PDE11A: variants seen among roughly 807,000 people sequenced by gnomAD.
PDE11A encodes the protein phosphodiesterase 11A.
A neutral mutation model predicts 100.5 loss-of-function variants in PDE11A; 100 were observed. The observed-to-expected ratio is 1.00, with a 90% CI of 0.85 to 1.18. The LOEUF (loss-of-function observed/expected upper bound fraction) is 1.18. Ranked by LOEUF, PDE11A falls within the 50% of genes most tolerant of loss-of-function variation. The probability of loss-of-function intolerance (pLI) is 0.00; values close to 1 mark genes in which losing one functional copy is unlikely to be tolerated. For missense variants in PDE11A, 1,141 were observed against 1,152.6 expected, an observed-to-expected ratio of 0.99 and a Z score of 0.15; for synonymous variants, 381 against 420.8, an observed-to-expected ratio of 0.91 and a Z score of 1.16.
rs1210169229 is a variant in PDE11A at position 177,876,909 on chromosome 2, T to G, written c.1303-986A>C. On this transcript the variant is annotated intron_variant, in intron 4 of 19. Transcript: ENST00000286063. ...AGACAGATTAACAGGAGAACAAGCATACAAATTTACTAATGTGCAGAAGCA... is the reference window on the plus strand; with the variant it reads ...AGACAGATTAACAGGAGAACAAGCAGACAAATTTACTAATGTGCAGAAGCA... Among the ~76,000 whole-genome samples the G allele has an allele frequency of 1.4e-5, 2 of 147,990 alleles. 1 individual carries two copies. The highest frequency in any genetic ancestry group is 5.2e-5 in the African/African-American group (2 of 38,770).
At chr2:178,101,662 T>A (rs955759655) in intron 2 of PDE11A, among the ~76,000 whole-genome samples, 7 of 152,182 alleles carry the variant, frequency 4.6e-5, no homozygotes, top group African/African-American at 1.7e-4. Flanking sequence ...CTTATTAACA[T>A]AAACTCAGGT....
chr2:178,083,436 G>C (rs1026546087), intron 2 of PDE11A, among the ~76,000 whole-genome samples: 1 of 152,122 alleles, frequency 6.6e-6, no homozygotes, highest in African/African-American at 2.4e-5. Flanking sequence ...AAAAGTGTTA[G>C]GAAATTGAAC....
intron 10 of PDE11A, among the ~76,000 whole-genome samples, chr2:177,734,776 T>C (rs1230365920): frequency 6.6e-6 from 1 of 152,128 alleles, no homozygotes; most frequent in Non-Finnish European, 1.5e-5. Flanking sequence ...GCACAGTGCT[T>C]GGAAATAGGA....
chr2:178,086,168 C>T (rs561897153), intron 2 of PDE11A, among the ~76,000 whole-genome samples: 23 of 152,308 alleles, frequency 1.5e-4, no homozygotes, highest in South Asian at 1.2e-3. Flanking sequence ...TAAGGTTTCT[C>T]CACACGCTGT....
intron 2 of PDE11A, among the ~76,000 whole-genome samples, chr2:177,985,138 A>AT (rs1192010112): frequency 6.6e-6 from 1 of 152,168 alleles, no homozygotes; most frequent in Non-Finnish European, 1.5e-5. Flanking sequence ...TGCATATTTG[A>AT]TTTTTCCAGT....
intron 19 of PDE11A, 39 bp downstream of exon 19, chr2:177,663,827 A>AT (rs200903316): frequency 0.021 from 23,254 of 1,118,470 alleles, 574 homozygotes; most frequent in South Asian, 0.075. Context: ...TCCTTTTCTG[A>AT]TTCAGTCAGA....
At chr2:177,666,903 C>CT (rs2080595678) in intron 18 of PDE11A, among the ~76,000 whole-genome samples, 7 of 34,432 alleles carry the variant, frequency 2.0e-4, no homozygotes, top group East Asian at 2.3e-3. Context: ...TGATAAAGTT[C>CT]AATTTATTTA....
chr2:178,066,888 C>T (rs1162695034), intron 1 of PDE11A, among the ~76,000 whole-genome samples: 2 of 152,188 alleles, frequency 1.3e-5, no homozygotes, highest in Non-Finnish European at 2.9e-5. Context: ...GGGACAGACT[C>T]TTGGGAAGGG....
chr2:178,073,189 C>T, upstream of PDE11A: 1 of 458,912 alleles, frequency 2.2e-6, no homozygotes, highest in Non-Finnish European at 2.9e-6. Flanking sequence ...CGTTCACCCT[C>T]AGAGACAGGC....
At chr2:177,666,090 C>T (rs982661221) in intron 18 of PDE11A, among the ~76,000 whole-genome samples, 1 of 152,142 alleles carries the variant, frequency 6.6e-6, no homozygotes, top group African/African-American at 2.4e-5. Context: ...TTTTTCCGCA[C>T]TCCCAGCCTT....
chr2:177,737,898 G>A (rs2081816238), intron 10 of PDE11A, among the ~76,000 whole-genome samples: 1 of 152,184 alleles, frequency 6.6e-6, no homozygotes, highest in Non-Finnish European at 1.5e-5. Context: ...GCACATGGGA[G>A]AAACTCATTA....
intron 9 of PDE11A, among the ~76,000 whole-genome samples, chr2:177,808,576 C>G (rs939967010): frequency 2.6e-5 from 4 of 152,154 alleles, no homozygotes; most frequent in African/African-American, 9.7e-5. Context: ...TATGAGAGAG[C>G]CTTATATGGA....
chr2:177,944,320 A>C (rs1265229642), intron 2 of PDE11A, among the ~76,000 whole-genome samples: 1 of 152,238 alleles, frequency 6.6e-6, no homozygotes, highest in African/African-American at 2.4e-5. Context: ...AAAATAACCA[A>C]AAACCAAATA....
At position 177,875,894 on chromosome 2, in the gene PDE11A, C is replaced by T; in HGVS notation, c.1332G>A (p.Leu444=). The T allele has an allele frequency of 6.2e-7, 1 of 1,612,000 alleles. No homozygotes were observed. The highest frequency in any genetic ancestry group is 8.5e-7 in the Non-Finnish European group (1 of 1,178,124). The change falls in exon 5 of 20, where the codon TTG becomes TTA. Residue 444 remains leucine, a synonymous_variant. Transcript: ENST00000286063. ...PVVKFTKSFE[L]MSPKCSADAE... The stretch of plus-strand genomic sequence containing the variant: ...CATCAGCACTGCACTTTGGGGACAT[C>T]AATTCAAAGGATTTGGTAAATTTCA...
chr2:177,825,779 A>C (rs1024610009), intron 6 of PDE11A, among the ~76,000 whole-genome samples: 2 of 152,148 alleles, frequency 1.3e-5, no homozygotes, highest in African/African-American at 4.8e-5. Flanking sequence ...CAACGAAGTC[A>C]CCCAAAGTTT....
intron 6 of PDE11A, among the ~76,000 whole-genome samples, chr2:177,824,720 T>C (rs1347891763): frequency 6.6e-6 from 1 of 152,204 alleles, no homozygotes; most frequent in African/African-American, 2.4e-5. Context: ...AATATTCAAC[T>C]GAAGGCAGTT....
chr2:177,674,574 A>C (rs575775635), intron 17 of PDE11A, among the ~76,000 whole-genome samples: 13 of 152,304 alleles, frequency 8.5e-5, no homozygotes, highest in Admixed American at 2.6e-4. Context: ...ATAATCTAGG[A>C]TCAGTCTGCA....
chr2:177,984,670 A>G (rs1316515262), intron 2 of PDE11A, among the ~76,000 whole-genome samples: 1 of 152,232 alleles, frequency 6.6e-6, no homozygotes, highest in Non-Finnish European at 1.5e-5. Context: ...AGATATTGTG[A>G]TAAGTACAGT....
chr2:177,910,954 T>C (rs2084872411), intron 2 of PDE11A, among the ~76,000 whole-genome samples: 1 of 152,208 alleles, frequency 6.6e-6, no homozygotes, highest in Non-Finnish European at 1.5e-5. Context: ...ATCCCGTTCG[T>C]GGACCCTACT....
Sources: gnomAD v4.1 joint callset for allele counts (sites outside exome capture counted in the v4.1 genomes callset) on GRCh38, gnomAD v4.1.1 for gene constraint, MANE v1.5 for transcripts, NCBI Gene and HGNC (gene_info 2026-07-23, HGNC 2026-07-21) for gene names.